The following LIN54 variants were observed in gnomAD, a reference collection of about 807,000 sequenced individuals.
LIN54 encodes the protein lin-54 DREAM MuvB core complex component, also known as protein lin-54 homolog.
Under a neutral mutation model 78.7 loss-of-function variants are expected in LIN54, and 9 were observed. The observed-to-expected ratio is 0.11, with a 90% CI of 0.07 to 0.20. LIN54 has a LOEUF of 0.20. Ranked by LOEUF, LIN54 falls within the 10% of genes least tolerant of loss-of-function variation. The pLI is 1.00. For missense variants in LIN54, 573 were observed against 889.9 expected, an observed-to-expected ratio of 0.64 and a Z score of 4.53; for synonymous variants, 269 against 318.4, an observed-to-expected ratio of 0.84 and a Z score of 1.65.
intron 4 of LIN54, among the ~76,000 whole-genome samples, chr4:82,955,137 C>T (rs577205240): frequency 8.2e-4 from 124 of 152,038 alleles, no homozygotes; most frequent in Non-Finnish European, 1.3e-3. Flanking sequence ...TTAGAGAGGC[C>T]GAAGGAGGCG....
intron 4 of LIN54, among the ~76,000 whole-genome samples, chr4:82,968,216 A>AT (rs1240723304): frequency 6.6e-6 from 1 of 151,342 alleles, no homozygotes; most frequent in Admixed American, 6.6e-5. Context: ...CTAATTTTGT[A>AT]TTTTTTTTGT....
At chr4:82,994,344 A>AT (rs1728005464) in intron 1 of LIN54, among the ~76,000 whole-genome samples, 1 of 151,910 alleles carries the variant, frequency 6.6e-6, no homozygotes, top group South Asian at 2.1e-4. Flanking sequence ...TTAGAGACTT[A>AT]TTTTTTGACT....
chr4:82,981,621 G>A (rs1421329968), intron 2 of LIN54, among the ~76,000 whole-genome samples: 1 of 152,118 alleles, frequency 6.6e-6, no homozygotes, highest in South Asian at 2.1e-4. Flanking sequence ...GAGATGGAAA[G>A]ACTTAAGTCG....
At chr4:82,985,434 A>G (rs1316672460) in intron 1 of LIN54, among the ~76,000 whole-genome samples, 1 of 152,252 alleles carries the variant, frequency 6.6e-6, no homozygotes, top group Non-Finnish European at 1.5e-5. Context: ...CAGCAATTGC[A>G]GATCAAATAG....
intron 1 of LIN54, chr4:83,003,349 A>G (rs951489184): frequency 2.0e-5 from 3 of 152,258 alleles, no homozygotes; most frequent in African/African-American, 7.2e-5. Context: ...TAAAACATCA[A>G]CAACTAAAAA....
chr4:82,928,886 C>T (rs1257111866), intron 12 of LIN54, among the ~76,000 whole-genome samples: 2 of 152,186 alleles, frequency 1.3e-5, no homozygotes, highest in Non-Finnish European at 2.9e-5. Flanking sequence ...GTTCTGTACA[C>T]AGAGTTGCAT....
At chr4:82,992,145 G>A (rs1453719760) in intron 1 of LIN54, among the ~76,000 whole-genome samples, 3 of 152,160 alleles carry the variant, frequency 2.0e-5, no homozygotes, top group Admixed American at 6.5e-5. Flanking sequence ...GATGTAGGGC[G>A]ATTCAGATTA....
Position 82,984,523 on chromosome 4 carries a change from C to T in LIN54, c.322G>A (p.Val108Met), listed in dbSNP as rs748612584. 4 of 1,614,006 alleles carry T rather than the reference C, an allele frequency of 2.5e-6. No individual in the cohort carries two copies. The highest frequency in any genetic ancestry group is 3.4e-6 in the Non-Finnish European group (4 of 1,180,002). ...ATAATCTGATTGGCTGATATAGTCACAGGAGTCTGAGCACCAAGTTTTTGA... is the reference window on the plus strand; with the variant it reads ...ATAATCTGATTGGCTGATATAGTCATAGGAGTCTGAGCACCAAGTTTTTGA... ...GLQKLGAQTP[V>M]TISANQIILN... Residue 108 changes from valine (V) to methionine (M), a missense_variant, in exon 2 of 13, where the codon GTG becomes ATG. By Grantham distance (21) the Val-to-Met change is conservative. Around this residue, in one of 6 missense-constraint regions of LIN54, gnomAD observed 183 missense variants for 228.4 expected, o/e 0.80. Coordinates refer to ENST00000340417, the MANE Select transcript of LIN54 (RefSeq NM_194282.4).
chr4:82,966,713 G>T (rs550451361), intron 4 of LIN54, among the ~76,000 whole-genome samples: 1 of 151,772 alleles, frequency 6.6e-6, no homozygotes, highest in Non-Finnish European at 1.5e-5. Context: ...CCGCCTCCCC[G>T]GTTCAAGCAA....
intron 1 of LIN54, among the ~76,000 whole-genome samples, chr4:83,007,733 C>CA (rs1729522877): frequency 6.6e-6 from 1 of 151,980 alleles, no homozygotes; most frequent in South Asian, 2.1e-4. Context: ...ACCAAAAATA[C>CA]AAAAAATTAA....
intron 3 of LIN54, among the ~76,000 whole-genome samples, chr4:82,971,102 A>G (rs929002299): frequency 7.9e-5 from 12 of 152,154 alleles, no homozygotes; most frequent in Non-Finnish European, 1.8e-4. Context: ...ACCATATTAC[A>G]TTGAGTTGAA....
intron 1 of LIN54, among the ~76,000 whole-genome samples, chr4:82,992,585 G>A (rs1258762037): frequency 1.3e-5 from 2 of 152,140 alleles, no homozygotes; most frequent in African/African-American, 2.4e-5. Context: ...TTGACTTGGA[G>A]GCTGTAGCAA....
At chr4:82,996,392 C>T (rs1728220471) in intron 1 of LIN54, among the ~76,000 whole-genome samples, 1 of 151,950 alleles carries the variant, frequency 6.6e-6, no homozygotes, top group Non-Finnish European at 1.5e-5. Context: ...ATGCATTCCC[C>T]TATGCTTCCA....
At chr4:82,938,294 G>T in intron 8 of LIN54, 119 bp downstream of exon 8, 2 of 607,574 alleles carry the variant, frequency 3.3e-6, no homozygotes, top group Non-Finnish European at 5.9e-6. Context: ...TATTTTAGAG[G>T]CATGCTCACA....
At position 82,984,800 on chromosome 4, in the gene LIN54, T is replaced by A. The variant is rs201071412; in HGVS notation, c.45A>T (p.Glu15Asp). The change falls in exon 2 of 13, where the codon GAA (glutamate) becomes GAT (aspartate). Residue 15 changes from glutamate to aspartate, a missense_variant. Around this residue, in one of 6 missense-constraint regions of LIN54, gnomAD observed 183 missense variants for 228.4 expected, o/e 0.80. Coordinates refer to ENST00000340417, the MANE Select transcript of LIN54 (RefSeq NM_194282.4). ...PAEVNSLLPE[E>D]IMDTGITLVD... ...CTAAAGTTATACCAGTGTCCATTAT[T>A]TCCTCTGGAAGCAAACTATTCACCT... 1.9e-6 allele frequency: 3 copies of A among 1,613,760 alleles called. No individual in the cohort carries two copies. The East Asian group carries it at 6.7e-5, about 36-fold the overall frequency.
In LIN54 at chr4:82,964,994, G is replaced by GTCTTCAAGAAAAAATACTCCA. The variant is rs1578560579; in HGVS notation, c.951+5312_951+5332dup. 5.9e-5 allele frequency among the ~76,000 whole-genome samples: 9 copies of GTCTTCAAGAAAAAATACTCCA among 152,044 alleles called. No individual in the cohort carries two copies. In the East Asian group the frequency reaches 1.5e-3, roughly 26 times the overall value. Reference sequence around the variant, plus strand: ...GCATGGGCAACAGAGGTGAGAGTCCGTCTTCAAGAAAAAATACTCCATCTT... The same window carrying GTCTTCAAGAAAAAATACTCCA: ...GCATGGGCAACAGAGGTGAGAGTCCGTCTTCAAGAAAAAATACTCCATCTTCAAGAAAAAATACTCCATCTT... On this transcript the variant is annotated intron_variant, in intron 4 of 12. Transcript: ENST00000340417.
chr4:82,955,207 T>C (rs541681585), intron 4 of LIN54, among the ~76,000 whole-genome samples: 1 of 152,042 alleles, frequency 6.6e-6, no homozygotes, highest in East Asian at 1.9e-4. Flanking sequence ...CTACTAAAAA[T>C]ACAAAAATTA....
chr4:82,995,232 T>A (rs1262562100), intron 1 of LIN54, among the ~76,000 whole-genome samples: 1 of 151,932 alleles, frequency 6.6e-6, no homozygotes, highest in Non-Finnish European at 1.5e-5. Flanking sequence ...CTCAGAAGTT[T>A]GAAGCTGCAG....
chr4:82,935,956 T>G, intron 11 of LIN54, 25 bp downstream of exon 11: 12 of 1,608,368 alleles, frequency 7.5e-6, no homozygotes, highest in Non-Finnish European at 1.0e-5. Context: ...TTAAAAGATA[T>G]TATTTTCCGC....
Sources: allele counts gnomAD v4.1 joint callset (sites outside exome capture counted in the v4.1 genomes callset), GRCh38; gene constraint gnomAD v4.1.1; regional missense constraint gnomAD v4.1.1; transcripts MANE v1.5; gene names NCBI Gene and HGNC (gene_info 2026-07-23, HGNC 2026-07-21).